The following ZBTB17 variants were observed in gnomAD, a reference collection of about 807,000 sequenced individuals.
The protein encoded by ZBTB17 is zinc finger and BTB domain containing 17.
A neutral mutation model predicts 85.1 loss-of-function variants in ZBTB17; 24 were observed. That is an observed-to-expected ratio of 0.28 (90% CI 0.20 to 0.40). The LOEUF is 0.40. Ranked by LOEUF, ZBTB17 falls within the 10% of genes least tolerant of loss-of-function variation. The pLI, the probability that ZBTB17 is intolerant of heterozygous loss-of-function variation, is 1.00. For missense variants in ZBTB17, 743 were observed against 1,105.1 expected (o/e 0.67, Z 4.65); for synonymous variants, 464 against 460.2 (o/e 1.01, Z -0.11).
chr1:15,949,012 G>A (rs1422551504), intron 2 of ZBTB17, among the ~76,000 whole-genome samples: 1 of 152,158 alleles, frequency 6.6e-6, no homozygotes, highest in Non-Finnish European at 1.5e-5. Flanking sequence ...ATCAGCCAGT[G>A]TTGCAGAACT....
In ZBTB17 at chr1:15,944,767, A is replaced by C. The variant is rs778837135; in HGVS notation, c.1000T>G (p.Phe334Val). ...GCCTTGCTGCACTCCCGGCACGAGA[A>C]GGGCTTCTCCCCCGTGTGGATGCGG... The part of the protein sequence containing the change: ...HIRIHTGEKP[F>V]SCRECSKAFS... The change falls in exon 8 of 16, where the codon TTC becomes GTC. Residue 334 changes from phenylalanine to valine, a missense_variant. Physicochemically the swap from Phe to Val is conservative, Grantham distance 50. This residue lies in a region of ZBTB17 where 321 missense variants were observed against 615.7 expected (regional missense o/e 0.52). Transcript: ENST00000375743. The C allele has an allele frequency of 6.2e-7, 1 of 1,612,862 alleles. No homozygotes were observed. Among genetic ancestry groups the C allele is most frequent in the Non-Finnish European group, 8.5e-7 (1 of 1,179,828 alleles).
chr1:15,944,988 G>T lies in ZBTB17; in HGVS notation c.876C>A (p.Tyr292Ter). The change falls in exon 7 of 16, where the codon TAC becomes TAA. Residue 292 changes from tyrosine (Y) to a stop codon, truncating the protein, a stop_gained. Coordinates refer to ENST00000375743, the MANE Select transcript of ZBTB17 (RefSeq NM_003443.3). LOFTEE classifies it high-confidence loss of function. ...AGGCCTTGGACTCCGTGCGGTCGCC[G>T]TAGGTGCCTGAGCGCAGGCCCCGGG... ...SEARGLRSGTYGDRTESKAYG... is the reference protein window; with the variant it reads ...SEARGLRSGT 1 of 1,588,302 alleles carries T rather than the reference G, an allele frequency of 6.3e-7. No individual in the cohort carries two copies. The highest frequency in any genetic ancestry group is 8.5e-7 in the Non-Finnish European group (1 of 1,170,070).
At chr1:15,944,098 G>C in intron 9 of ZBTB17, 2 of 1,011,738 alleles carry the variant, frequency 2.0e-6, no homozygotes, top group Non-Finnish European at 3.0e-6. Context: ...ACCAAACCCC[G>C]CCCTGAGTCG....
chr1:15,943,000 C>T (rs2071426824), intron 13 of ZBTB17, 64 bp downstream of exon 13: 1 of 1,598,354 alleles, frequency 6.3e-7, no homozygotes, highest in African/African-American at 1.3e-5. Context: ...CCCTTCCTTC[C>T]CCCTGCTCCC....
At chr1:15,969,574 G>A (rs2072566704) in intron 2 of ZBTB17, 1 of 397,612 alleles carries the variant, frequency 2.5e-6, no homozygotes, top group Non-Finnish European at 5.0e-6. Flanking sequence ...GGGGTGGGAA[G>A]TGTGAGGCCG....
At chr1:15,975,925 G>A (rs1265851714) in intron 1 of ZBTB17, 58 bp downstream of exon 1, 16 of 642,360 alleles carry the variant, frequency 2.5e-5, no homozygotes, top group South Asian at 2.3e-4. Flanking sequence ...CCCATCCTCC[G>A]CCGCCTCCGC....
In ZBTB17 at chr1:15,973,423, G is replaced by A. The variant is rs2072749630; in HGVS notation, c.-89-298C>T. On this transcript the variant is annotated intron_variant, in intron 1 of 15. Transcript: ENST00000375743. This position sits in a 1 kb window ranked among gnomAD's most constrained non-coding sequence, Gnocchi z 4.1. ...ACAAGGTTTGTATCCAAGCATTACT[G>A]CAGCATTGGCACTGCTCTGGGATAT... Among the ~76,000 whole-genome samples the A allele has an allele frequency of 6.6e-6, 1 of 152,200 alleles. No individual in the cohort carries two copies. Among genetic ancestry groups the A allele is most frequent in the African/African-American group, 2.4e-5 (1 of 41,442 alleles).
intron 2 of ZBTB17, chr1:15,969,620 G>A (rs1481047317): frequency 2.3e-6 from 1 of 432,974 alleles, no homozygotes; most frequent in East Asian, 6.9e-5. Context: ...GGGGGAGCAG[G>A]GCAGGGAGAT....
In ZBTB17 at chr1:15,966,330, G is replaced by T. The variant is rs138601504; in HGVS notation, c.-3+6709C>A. On this transcript the variant is annotated intron_variant, in intron 2 of 15. Transcript: ENST00000375743. The surrounding 1 kb of genome is among the most constrained non-coding windows in gnomAD (Gnocchi z 4.1). ...TAAGTTCCAGTATAGGAAGTGGTGC[G>T]GCTGGGGTGGGGAGAACAGATTCTA... 6.6e-6 allele frequency among the ~76,000 whole-genome samples: 1 copy of T among 152,148 alleles called. No homozygotes were observed. Among genetic ancestry groups the T allele is most frequent in the Non-Finnish European group, 1.5e-5 (1 of 68,026 alleles).
At position 15,942,013 on chromosome 1, in the gene ZBTB17, C is replaced by T. The variant is rs2071377615; in HGVS notation, c.2368G>A (p.Glu790Lys). The T allele has an allele frequency of 1.9e-6, 3 of 1,606,802 alleles. No homozygotes were observed. Among genetic ancestry groups the T allele is most frequent in the South Asian group, 1.1e-5 (1 of 91,000 alleles). Residue 790 changes from glutamate to lysine, a missense_variant, in exon 16 of 16, where the codon GAG (glutamate) becomes AAG (lysine). This residue lies in a region of ZBTB17 where 69 missense variants were observed against 77.0 expected (regional missense o/e 0.90). Transcript: ENST00000375743. ...DGAEGQPALA[E>K]TSPTAPECPP... ...CATTCAGGAGCTGTAGGGGAGGTCT[C>T]TGCCAGTGCGGGCTGGCCCTCAGCC...
rs2148803613 is a variant in ZBTB17 at position 15,964,158 on chromosome 1, G to C, written c.-3+8881C>G. Among the ~76,000 whole-genome samples the C allele has an allele frequency of 6.6e-6, 1 of 151,360 alleles. No homozygotes were observed. The highest frequency in any genetic ancestry group is 2.4e-5 in the African/African-American group (1 of 41,294). ...AAAAAGGTTTAAAAAGAACTAAAATGCACACCCACAGAATAAAAGTGGAAG... is the reference window on the plus strand; with the variant it reads ...AAAAAGGTTTAAAAAGAACTAAAATCCACACCCACAGAATAAAAGTGGAAG... On this transcript the variant is annotated intron_variant, in intron 2 of 15. Transcript: ENST00000375743. The surrounding 1 kb of genome is among the most constrained non-coding windows in gnomAD (Gnocchi z 4.3).
chr1:15,947,624 T>A (rs1257024271), intron 3 of ZBTB17, among the ~76,000 whole-genome samples: 1 of 152,104 alleles, frequency 6.6e-6, no homozygotes, highest in African/African-American at 2.4e-5. Context: ...TGAGGACGGA[T>A]GTTGTGAACA....
At chr1:15,943,022 A>G (rs2148753315) in intron 13 of ZBTB17, 42 bp downstream of exon 13, 1 of 1,608,376 alleles carries the variant, frequency 6.2e-7, no homozygotes, top group East Asian at 2.2e-5. Flanking sequence ...ACCTGGCAGC[A>G]GGGCCTGGGA....
rs770189776 is a variant in ZBTB17, at chr1:15,945,704, G to A, written c.661+11C>T. 43 of 1,606,534 alleles carry A rather than the reference G, an allele frequency of 2.7e-5. No homozygotes were observed. Among genetic ancestry groups the A allele is most frequent in the Non-Finnish European group, 3.5e-5 (41 of 1,179,772 alleles). On this transcript the variant is annotated intron_variant, in intron 6 of 15. Coordinates refer to ENST00000375743, the MANE Select transcript of ZBTB17 (RefSeq NM_003443.3). ...ACCAGGTAGGGCCTGGTCCTGGCTG[G>A]GCGGGGCTACCTTGCTCCGAGCTCT...
chr1:15,947,017 G>C lies in ZBTB17; in HGVS notation c.312C>G (p.Ile104Met), dbSNP rs771315430. 1 of 1,614,096 alleles carries C rather than the reference G, an allele frequency of 6.2e-7. No homozygotes were observed. Among genetic ancestry groups the C allele is most frequent in the Non-Finnish European group, 8.5e-7 (1 of 1,180,018 alleles). Residue 104 changes from isoleucine to methionine, a missense_variant, in exon 4 of 16, where the codon ATC (isoleucine) becomes ATG (methionine). Physicochemically the swap from Ile to Met is conservative, Grantham distance 10. Transcript: ENST00000375743. Reference protein sequence around the residue: ...AVATFLQMQDIITACHALKSL... With the variant: ...AVATFLQMQDMITACHALKSL... ...ACTTGAGGGCATGGCAGGCCGTGAT[G>C]ATGTCCTGCATTTGGAGGAAAGTGG... is the stretch of plus-strand genomic sequence containing the variant.
At position 15,943,851 on chromosome 1, in the gene ZBTB17, C is replaced by A; in HGVS notation, c.1416G>T (p.Gly472=). 1 of 1,610,774 alleles carries A rather than the reference C, an allele frequency of 6.2e-7. No homozygotes were observed. The highest frequency in any genetic ancestry group is 2.2e-5 in the East Asian group (1 of 44,742). ...TCCCACACTCTCGGCACTTGAGGGG[C>A]CCGTCAGCGATGTGGATCTTCAGGT... ...KAHLKIHIAD[G]PLKCRECGKQ... is the part of the protein sequence containing the mutation. The change falls in exon 10 of 16, where the codon GGG becomes GGT. Residue 472 remains glycine (G), a synonymous_variant. Coordinates refer to ENST00000375743, the MANE Select transcript of ZBTB17 (RefSeq NM_003443.3).
rs1056881473 is a variant in ZBTB17, at chr1:15,944,558, G to A, written c.1113C>T (p.Tyr371=). ...PYGCEECGKS[Y]RLISLLNLHK... is the part of the protein sequence containing the mutation. ...GCAGGTTCAGCAGGCTGATGAGGCG[G>A]TAGCTCTTCCCGCACTCCTCGCAGC... Residue 371 remains tyrosine (Y), a synonymous_variant, in exon 9 of 16, where the codon TAC becomes TAT. Transcript: ENST00000375743. 2 of 1,597,456 alleles carry A rather than the reference G, an allele frequency of 1.3e-6. No individual in the cohort carries two copies. The highest frequency in any genetic ancestry group is 2.7e-5 in the African/African-American group (2 of 74,892).
intron 2 of ZBTB17, among the ~76,000 whole-genome samples, chr1:15,965,418 G>A (rs936646799): frequency 3.9e-5 from 6 of 152,142 alleles, no homozygotes; most frequent in Admixed American, 1.3e-4. Flanking sequence ...GTCATTGTAC[G>A]CCCACCAGAT....
At chr1:15,967,375 A>T (rs1009097670) in intron 2 of ZBTB17, among the ~76,000 whole-genome samples, 26 of 145,270 alleles carry the variant, frequency 1.8e-4, no homozygotes, top group African/African-American at 3.5e-4. Context: ...GGCCCTAATT[A>T]AAAAAAAAAA....
Sources: allele counts gnomAD v4.1 joint callset (sites outside exome capture counted in the v4.1 genomes callset), GRCh38; gene constraint gnomAD v4.1.1; regional missense constraint gnomAD v4.1.1; non-coding constraint Gnocchi (gnomAD v3.1); transcripts MANE v1.5; gene names NCBI Gene and HGNC (gene_info 2026-07-23, HGNC 2026-07-21).